CDH23: variants seen among roughly 807,000 people sequenced by gnomAD.
CDH23 encodes the protein cadherin related 23.
A neutral mutation model predicts 317.1 loss-of-function variants in CDH23; 189 were observed. The ratio of observed to expected loss-of-function variants is 0.60; its 90% confidence interval spans 0.53 to 0.67. The LOEUF is 0.67. CDH23 is among the 30% of genes least tolerant of loss of function. The probability of loss-of-function intolerance (pLI) is 0.00; values close to 1 mark genes in which losing one functional copy is unlikely to be tolerated. For synonymous variants in CDH23, 1,839 were observed against 1,876.8 expected, an observed-to-expected ratio of 0.98 and a Z score of 0.52; for missense variants, 4,401 against 4,592.4, an observed-to-expected ratio of 0.96 and a Z score of 1.20.
At chr10:71,442,851 C>T (rs775956369) in intron 2 of CDH23, among the ~76,000 whole-genome samples, 2 of 152,154 alleles carry the variant, frequency 1.3e-5, no homozygotes, top group Non-Finnish European at 2.9e-5. Flanking sequence ...ACGCTGCAGT[C>T]ACCTCAATGG....
intron 38 of CDH23, chr10:71,773,449 G>C (rs1840736311): frequency 1.3e-6 from 2 of 1,585,982 alleles, no homozygotes; most frequent in Non-Finnish European, 8.6e-7. Context: ...TGTCGCCGTC[G>C]GACGCGCAGA....
At chr10:71,435,010 C>T (rs533930189) in intron 1 of CDH23, among the ~76,000 whole-genome samples, 4 of 152,292 alleles carry the variant, frequency 2.6e-5, no homozygotes, top group African/African-American at 9.6e-5. Context: ...GAGTAGATGC[C>T]ACAGGGTCTT....
rs2132962394 is a variant in CDH23 at position 71,797,150 on chromosome 10, C to T, written c.6759C>T (p.Thr2253=). ...CCATGAATCGGGAGCTGGTTGCCACCTATGAGGTCACTCTCTCAGTGATTG... is the reference window on the plus strand; with the variant it reads ...CCATGAATCGGGAGCTGGTTGCCACTTATGAGGTCACTCTCTCAGTGATTG... ...KSPMNRELVA[T]YEVTLSVIDN... Residue 2253 remains threonine, a synonymous_variant, in exon 49 of 70, where the codon ACC becomes ACT. Coordinates refer to ENST00000224721, the MANE Select transcript of CDH23 (RefSeq NM_022124.6). 1.2e-6 allele frequency: 2 copies of T among 1,613,686 alleles called. No individual in the cohort carries two copies. Among genetic ancestry groups the T allele is most frequent in the South Asian group, 1.1e-5 (1 of 90,968 alleles).
intron 22 of CDH23, among the ~76,000 whole-genome samples, chr10:71,700,329 G>C (rs1362834211): frequency 6.6e-6 from 1 of 152,196 alleles, no homozygotes; most frequent in African/African-American, 2.4e-5. Context: ...GGAGATTACA[G>C]TGAGCCGAGA....
chr10:71,473,181 G>A (rs1305209312), intron 3 of CDH23, among the ~76,000 whole-genome samples: 9 of 152,218 alleles, frequency 5.9e-5, no homozygotes, highest in Non-Finnish European at 1.0e-4. Context: ...CGCCTGGGAA[G>A]GCAGGATGCT....
chr10:71,784,323 G>A lies in CDH23; in HGVS notation c.5405G>A (p.Arg1802Lys). The A allele has an allele frequency of 1.2e-6, 2 of 1,613,926 alleles. No homozygotes were observed. The highest frequency in any genetic ancestry group is 1.7e-6 in the Non-Finnish European group (2 of 1,179,818). ...FVISPVEGVL[R>K]VRKDVELDRE... ...ATCTCTCCTGTGGAGGGGGTGCTAA[G>A]GGTCCGGAAGGACGTGGAGCTGGAC... Residue 1802 changes from arginine (R) to lysine (K), a missense_variant, in exon 42 of 70, where the codon AGG becomes AAG. Physicochemically the swap from Arg to Lys is conservative, Grantham distance 26 (BLOSUM62 2). Transcript: ENST00000224721.
At chr10:71,801,326 G>C (rs1322976467) in intron 53 of CDH23, among the ~76,000 whole-genome samples, 1 of 151,816 alleles carries the variant, frequency 6.6e-6, no homozygotes, top group African/African-American at 2.4e-5. Flanking sequence ...GGCTAATTTT[G>C]TATTTTCAGT....
intron 3 of CDH23, among the ~76,000 whole-genome samples, chr10:71,478,525 G>T (rs565797525): frequency 3.3e-4 from 50 of 152,324 alleles, no homozygotes; most frequent in Middle Eastern, 3.4e-3. Flanking sequence ...GAGCAGCCCT[G>T]CATGATAGAG....
Position 71,815,411 on chromosome 10 carries a change from G to A in CDH23, c.*133G>A, listed in dbSNP as rs919136166. The A allele has an allele frequency of 7.6e-5, 60 of 791,818 alleles. No homozygotes were observed. The East Asian group carries it at 1.6e-3, about 21-fold the overall frequency. 49.0% of individuals were successfully genotyped at this position (791,818 alleles called of 1,614,324 possible). On this transcript the variant is annotated 3_prime_UTR_variant, in exon 70 of 70. Coordinates refer to ENST00000224721, the MANE Select transcript of CDH23 (RefSeq NM_022124.6). ...TTGGGGACAACCTTGGCTTGGCCCT[G>A]GCAGCCCGCATCAGCTGCTCAGATC...
chr10:71,689,828 C>T (rs1265740718), intron 19 of CDH23, among the ~76,000 whole-genome samples: 2 of 152,140 alleles, frequency 1.3e-5, no homozygotes, highest in East Asian at 1.9e-4. Flanking sequence ...ACCTGTGCAC[C>T]GGACCTCCTC....
chr10:71,796,132 G>A, intron 48 of CDH23: 6 of 975,884 alleles, frequency 6.1e-6, no homozygotes, highest in Non-Finnish European at 7.3e-6. Context: ...GCCCAGCAGG[G>A]GGATCTGCCA....
At chr10:71,512,878 T>A (rs962494149) in intron 6 of CDH23, among the ~76,000 whole-genome samples, 20 of 152,208 alleles carry the variant, frequency 1.3e-4, no homozygotes, top group African/African-American at 4.3e-4. Context: ...CAGGCTGTCA[T>A]TGTGCAGAGA....
intron 6 of CDH23, among the ~76,000 whole-genome samples, chr10:71,513,016 A>G (rs1052643187): frequency 2.0e-5 from 3 of 152,170 alleles, no homozygotes; most frequent in African/African-American, 7.2e-5. Context: ...TCTCTGTGCC[A>G]TGGCCCTCCT....
chr10:71,765,565 A>T lies in CDH23; in HGVS notation c.4846-12115A>T, dbSNP rs577698656. 7.2e-4 allele frequency among the ~76,000 whole-genome samples: 110 copies of T among 152,088 alleles called. 1 individual carries two copies. Among genetic ancestry groups the T allele is most frequent in the Admixed American group, 3.5e-3 (54 of 15,290 alleles). ...CAGGGTCTAAGCAATGGGGTTAATGACCCCAGGATTGTACCCATAGCACCC... is the reference window on the plus strand; with the variant it reads ...CAGGGTCTAAGCAATGGGGTTAATGTCCCCAGGATTGTACCCATAGCACCC... On this transcript the variant is annotated intron_variant, in intron 38 of 69. Coordinates refer to ENST00000224721, the MANE Select transcript of CDH23 (RefSeq NM_022124.6).
At chr10:71,704,742 C>T (rs1865714877) in intron 24 of CDH23, among the ~76,000 whole-genome samples, 169 bp from the exon 25 acceptor site, 1 of 152,144 alleles carries the variant, frequency 6.6e-6, no homozygotes, top group South Asian at 2.1e-4. Context: ...TTAGAGGGTG[C>T]CTGGGAGGGT....
chr10:71,540,798 T>C (rs1855944189), intron 6 of CDH23, among the ~76,000 whole-genome samples: 1 of 152,036 alleles, frequency 6.6e-6, no homozygotes, highest in Non-Finnish European at 1.5e-5. Flanking sequence ...CAGGCCCTGA[T>C]GGGAGGGCTT....
At chr10:71,608,302 C>T (rs1860648991) in intron 9 of CDH23, among the ~76,000 whole-genome samples, 1 of 152,140 alleles carries the variant, frequency 6.6e-6, no homozygotes, top group African/African-American at 2.4e-5. Flanking sequence ...GGGTAAGGTC[C>T]CTGACGCTGG....
At chr10:71,432,433 GTGTT>G (rs1265387193) in intron 1 of CDH23, among the ~76,000 whole-genome samples, 24 of 151,530 alleles carry the variant, frequency 1.6e-4, no homozygotes, top group Middle Eastern at 3.4e-3. Flanking sequence ...GGGTGAGTGT[GTGTT>G]TGAGAGCGTG....
intron 6 of CDH23, among the ~76,000 whole-genome samples, chr10:71,521,722 T>C (rs534045071): frequency 1.3e-5 from 2 of 152,334 alleles, no homozygotes; most frequent in South Asian, 4.1e-4. Context: ...CATATCCCCT[T>C]CAGAAGCAGC....
Sources: gnomAD v4.1 joint callset for allele counts (sites outside exome capture counted in the v4.1 genomes callset) on GRCh38, gnomAD v4.1.1 for gene constraint, MANE v1.5 for transcripts, NCBI Gene and HGNC (gene_info 2026-07-23, HGNC 2026-07-21) for gene names.